The following EXD1 variants were observed in gnomAD, a reference collection of about 807,000 sequenced individuals.
EXD1 encodes the protein piRNA biogenesis protein EXD1.
EXD1 carries 63 observed loss-of-function variants against 49.1 expected under a neutral mutation model. The observed-to-expected ratio is 1.28, with a 90% CI of 1.05 to 1.58. The LOEUF (loss-of-function observed/expected upper bound fraction) is 1.58, where lower values mean the gene tolerates loss of function less well. Among genes scored for constraint, EXD1 ranks in the 40% most tolerant of loss-of-function variants. EXD1 has a pLI of 0.00. For synonymous variants in EXD1, 234 were observed against 239.2 expected (o/e 0.98, Z 0.20); for missense variants, 748 against 666.0 (o/e 1.12, Z -1.36).
chr15:41,200,425 A>G (rs1269821770), intron 7 of EXD1, among the ~76,000 whole-genome samples: 1 of 152,190 alleles, frequency 6.6e-6, no homozygotes, highest in East Asian at 1.9e-4. Context: ...CGGGAGGCTG[A>G]GACAGGAGAA....
intron 3 of EXD1, 91 bp downstream of exon 3, chr15:41,219,739 G>T: frequency 9.4e-7 from 1 of 1,059,402 alleles, no homozygotes; most frequent in Non-Finnish European, 1.4e-6. Flanking sequence ...CCAACTTTAA[G>T]AATCCATAAG....
chr15:41,227,935 A>T (rs1049321786), intron 1 of EXD1, among the ~76,000 whole-genome samples: 2 of 151,532 alleles, frequency 1.3e-5, no homozygotes, highest in Non-Finnish European at 2.9e-5. Flanking sequence ...CTGTAATCCT[A>T]GCTACTCAGG....
intron 7 of EXD1, among the ~76,000 whole-genome samples, 158 bp downstream of exon 7, chr15:41,209,343 G>A (rs1277689859): frequency 6.6e-6 from 1 of 152,072 alleles, no homozygotes; most frequent in Non-Finnish European, 1.5e-5. Flanking sequence ...CATGAGCCCA[G>A]GAGTTCAATG....
intron 5 of EXD1, 64 bp from the exon 6 acceptor site, chr15:41,215,897 A>G: frequency 1.3e-6 from 2 of 1,567,624 alleles, no homozygotes; most frequent in South Asian, 1.1e-5. Flanking sequence ...CTTTCTCAAT[A>G]ATTTTGGCCA....
chr15:41,197,589 A>G (rs2046636359), intron 7 of EXD1, among the ~76,000 whole-genome samples: 1 of 152,024 alleles, frequency 6.6e-6, no homozygotes, highest in Non-Finnish European at 1.5e-5. Context: ...TAAAAAAAGT[A>G]AGACACAATC....
Position 41,226,443 on chromosome 15 carries a change from C to T in EXD1, c.133G>A (p.Val45Met), listed in dbSNP as rs1023858328. 5.2e-6 allele frequency: 8 copies of T among 1,535,656 alleles called. No homozygotes were observed. Among genetic ancestry groups the T allele is most frequent in the African/African-American group, 1.4e-5 (1 of 73,000 alleles). ...AACATTATAAGAAATAGAACAAGACCTTTCTTCAGGACAACAATCTTATTA... is the reference window on the plus strand; with the variant it reads ...AACATTATAAGAAATAGAACAAGACTTTTCTTCAGGACAACAATCTTATTA... Reference protein sequence around the residue: ...DPNKIVVLKKVKNVETGRSVP... With the variant: ...DPNKIVVLKKMKNVETGRSVP... The change falls in exon 2 of 12, where the codon GTG becomes ATG. Residue 45 changes from valine to methionine, a missense_variant and splice_region_variant. Physicochemically the swap from Val to Met is conservative, Grantham distance 21. Coordinates refer to ENST00000458580, the MANE Select transcript of EXD1 (RefSeq NM_001286441.2).
chr15:41,228,317 T>C (rs148265241), intron 1 of EXD1, among the ~76,000 whole-genome samples: 94 of 152,336 alleles, frequency 6.2e-4, no homozygotes, highest in African/African-American at 2.2e-3. Flanking sequence ...GAAGGTGAGA[T>C]GTTACATACA....
chr15:41,222,153 GC>G (rs1237251238), intron 2 of EXD1, among the ~76,000 whole-genome samples: 4 of 151,992 alleles, frequency 2.6e-5, no homozygotes, highest in African/African-American at 7.2e-5. Context: ...GGTGGCTCAT[GC>G]CTGTAATCCC....
intron 2 of EXD1, among the ~76,000 whole-genome samples, chr15:41,223,470 C>A (rs2047119715): frequency 6.6e-6 from 1 of 151,796 alleles, no homozygotes; most frequent in Admixed American, 6.6e-5. Flanking sequence ...CCTATAATCC[C>A]AGCACTTTGG....
At chr15:41,189,662 CA>C (rs1174376850) in intron 11 of EXD1, among the ~76,000 whole-genome samples, 6 of 145,656 alleles carry the variant, frequency 4.1e-5, no homozygotes, top group Non-Finnish European at 9.1e-5. Context: ...GACTCTGTCT[CA>C]AAAAAAATAA....
At chr15:41,210,142 T>C (rs1313670524) in intron 6 of EXD1, among the ~76,000 whole-genome samples, 8 of 152,156 alleles carry the variant, frequency 5.3e-5, no homozygotes, top group Non-Finnish European at 1.0e-4. Flanking sequence ...CTCAAACTCC[T>C]GACCTCAAGT....
chr15:41,217,180 A>G (rs2047013011), intron 3 of EXD1, 26 bp from the exon 4 acceptor site: 4 of 1,605,562 alleles, frequency 2.5e-6, no homozygotes, highest in African/African-American at 1.3e-5. Context: ...ATGGCTTCCA[A>G]CAGAGTTTCC....
intron 2 of EXD1, among the ~76,000 whole-genome samples, chr15:41,224,198 A>G (rs1321426240): frequency 1.3e-5 from 2 of 152,208 alleles, no homozygotes; most frequent in Non-Finnish European, 2.9e-5. Flanking sequence ...TCAGCCTCCT[A>G]AAGTGCTGGG....
intron 7 of EXD1, among the ~76,000 whole-genome samples, chr15:41,199,842 A>G (rs1332127508): frequency 7.0e-6 from 1 of 142,934 alleles, no homozygotes; most frequent in Non-Finnish European, 1.5e-5. Flanking sequence ...TATATGATAT[A>G]TATAATATGT....
chr15:41,204,515 C>T (rs2412608), intron 7 of EXD1, among the ~76,000 whole-genome samples: 54,207 of 151,916 alleles, frequency 0.36, 11,921 homozygotes, highest in Non-Finnish European at 0.49. Flanking sequence ...GGTGCCACTG[C>T]ACTCCAGCCT....
At chr15:41,215,532 A>G (rs1242000042) in intron 6 of EXD1, among the ~76,000 whole-genome samples, 1 of 152,044 alleles carries the variant, frequency 6.6e-6, no homozygotes, top group Non-Finnish European at 1.5e-5. Context: ...TAAAAATACA[A>G]AAAATTAGCC....
At chr15:41,189,258 C>T (rs1383787610) in intron 11 of EXD1, among the ~76,000 whole-genome samples, 2 of 151,632 alleles carry the variant, frequency 1.3e-5, no homozygotes, top group African/African-American at 4.8e-5. Context: ...ATCCCAGCTA[C>T]TCAGGAGGCT....
intron 5 of EXD1, 112 bp from the exon 6 acceptor site, chr15:41,215,945 C>A: frequency 9.2e-7 from 1 of 1,087,412 alleles, no homozygotes; most frequent in South Asian, 1.3e-5. Context: ...CTCAAATACC[C>A]TAAAATTGCA....
At chr15:41,199,700 CATATATCATAT>C (rs2046679139) in intron 7 of EXD1, among the ~76,000 whole-genome samples, 1 of 15,508 alleles carries the variant, frequency 6.4e-5, no homozygotes, top group African/African-American at 2.1e-4. Flanking sequence ...AGATATATTA[CATATATCATAT>C]ATATGATATA....
Sources: allele counts gnomAD v4.1 joint callset (sites outside exome capture counted in the v4.1 genomes callset), GRCh38; gene constraint gnomAD v4.1.1; transcripts MANE v1.5; gene names NCBI Gene and HGNC (gene_info 2026-07-23, HGNC 2026-07-21).